FBXL17: variants seen among roughly 807,000 people sequenced by gnomAD.
The protein encoded by FBXL17 is F-box/LRR-repeat protein 17.
Under a neutral mutation model 66.2 loss-of-function variants are expected in FBXL17, and 22 were observed. The ratio of observed to expected loss-of-function variants is 0.33; its 90% confidence interval spans 0.24 to 0.47. FBXL17 has a LOEUF of 0.47. Among genes scored for constraint, FBXL17 ranks in the 20% least tolerant of loss-of-function variants. FBXL17 has a pLI of 1.00. For synonymous variants in FBXL17, 474 were observed against 400.5 expected, an observed-to-expected ratio of 1.18 and a Z score of -2.19; for missense variants, 878 against 948.2, an observed-to-expected ratio of 0.93 and a Z score of 0.97.
intron 5 of FBXL17, among the ~76,000 whole-genome samples, chr5:108,195,551 TG>T (rs1430257229): frequency 2.0e-5 from 3 of 152,190 alleles, no homozygotes; most frequent in African/African-American, 7.2e-5. Context: ...TTTTAGCTTT[TG>T]CTCTGAGAAA....
chr5:107,992,830 T>C (rs1753308097), intron 7 of FBXL17, among the ~76,000 whole-genome samples: 3 of 152,310 alleles, frequency 2.0e-5, no homozygotes, highest in Admixed American at 6.5e-5. Context: ...TAGCATGTCC[T>C]ATCATTTTGG....
intron 4 of FBXL17, among the ~76,000 whole-genome samples, chr5:108,345,133 G>T (rs750858562): frequency 6.6e-6 from 1 of 152,008 alleles, no homozygotes; most frequent in Non-Finnish European, 1.5e-5. Context: ...AGGAGTTCGA[G>T]ACCAGCCTGA....
intron 7 of FBXL17, among the ~76,000 whole-genome samples, chr5:108,010,146 G>C (rs1754120776): frequency 6.6e-6 from 1 of 152,180 alleles, no homozygotes; most frequent in African/African-American, 2.4e-5. Context: ...ATTTCTCACT[G>C]CAGGACAAAG....
intron 7 of FBXL17, among the ~76,000 whole-genome samples, chr5:107,896,612 T>A (rs1215475601): frequency 1.3e-5 from 2 of 152,164 alleles, no homozygotes; most frequent in Non-Finnish European, 2.9e-5. Context: ...AAACCAGGAA[T>A]AACATCATGG....
At chr5:108,206,759 T>C (rs925993736) in intron 5 of FBXL17, among the ~76,000 whole-genome samples, 1 of 152,218 alleles carries the variant, frequency 6.6e-6, no homozygotes, top group Non-Finnish European at 1.5e-5. Context: ...AGATTGTTTA[T>C]ACATACACCA....
rs184703369 is a variant in FBXL17 at position 108,047,660 on chromosome 5, C to T, written c.1746-26659G>A. Among the ~76,000 whole-genome samples the T allele has an allele frequency of 5.3e-5, 8 of 152,300 alleles. No homozygotes were observed. In the East Asian group the frequency reaches 1.5e-3, roughly 29 times the overall value. On this transcript the variant is annotated intron_variant, in intron 6 of 8. Coordinates refer to ENST00000542267, the MANE Select transcript of FBXL17 (RefSeq NM_001163315.3). Reference sequence around the variant, plus strand: ...AAGAGCTGTCCCCCATAGCTCAACACACCGGCTGTGGCATACTGCGGCCAG... The same window carrying T: ...AAGAGCTGTCCCCCATAGCTCAACATACCGGCTGTGGCATACTGCGGCCAG...
chr5:108,054,698 T>C (rs2112830603), intron 6 of FBXL17, among the ~76,000 whole-genome samples: 1 of 152,348 alleles, frequency 6.6e-6, no homozygotes, highest in African/African-American at 2.4e-5. Flanking sequence ...AAGGCTGTCC[T>C]TTCCTCATCC....
chr5:107,879,971 T>C, intron 8 of FBXL17: 3 of 865,406 alleles, frequency 3.5e-6, no homozygotes, highest in South Asian at 1.1e-4. Context: ...TTTTCTCCCC[T>C]TCACAATGCA....
intron 7 of FBXL17, among the ~76,000 whole-genome samples, chr5:107,898,714 T>C (rs1307077276): frequency 1.3e-5 from 2 of 152,088 alleles, no homozygotes; most frequent in African/African-American, 2.4e-5. Context: ...AGTGAGAACA[T>C]GTGGTGTTTG....
At chr5:108,133,355 C>G (rs1180709655) in intron 6 of FBXL17, among the ~76,000 whole-genome samples, 1 of 152,014 alleles carries the variant, frequency 6.6e-6, no homozygotes, top group African/African-American at 2.4e-5. Flanking sequence ...TATTAGTACA[C>G]TGTATTTAAA....
At chr5:108,298,944 T>C (rs1758461707) in intron 4 of FBXL17, 2 of 948,256 alleles carry the variant, frequency 2.1e-6, no homozygotes, top group Admixed American at 1.2e-4. Flanking sequence ...TATTATTTAC[T>C]TTCAGTTTCA....
chr5:108,249,752 G>A (rs901753770), intron 4 of FBXL17, among the ~76,000 whole-genome samples: 1 of 152,054 alleles, frequency 6.6e-6, no homozygotes, highest in Non-Finnish European at 1.5e-5. Context: ...AAATATAAGC[G>A]ACGTATATTT....
At chr5:108,299,054 C>A (rs1339311074) in intron 4 of FBXL17, 2 of 977,426 alleles carry the variant, frequency 2.0e-6, no homozygotes, top group Non-Finnish European at 2.4e-6. Flanking sequence ...GAGTACATAT[C>A]TGAACAAAAA....
intron 7 of FBXL17, among the ~76,000 whole-genome samples, chr5:107,929,880 T>C (rs1418741820): frequency 6.6e-6 from 1 of 152,198 alleles, no homozygotes; most frequent in Non-Finnish European, 1.5e-5. Flanking sequence ...TTATACTCTA[T>C]TTCCCTACAC....
chr5:108,372,013 G>C (rs1163178550), intron 1 of FBXL17, among the ~76,000 whole-genome samples: 3 of 152,038 alleles, frequency 2.0e-5, no homozygotes, highest in African/African-American at 7.2e-5. Flanking sequence ...TGTTCCCCAG[G>C]GGTTGCCTTG....
At chr5:108,313,565 A>G (rs1310494950) in intron 4 of FBXL17, among the ~76,000 whole-genome samples, 1 of 152,136 alleles carries the variant, frequency 6.6e-6, no homozygotes, top group Admixed American at 6.6e-5. Context: ...ACATTTCAGT[A>G]AGAGTTGGAT....
intron 4 of FBXL17, chr5:108,298,933 A>T: frequency 1.1e-6 from 1 of 948,264 alleles, no homozygotes. Flanking sequence ...GATTTAAATA[A>T]TATTATTTAC....
In FBXL17 at chr5:108,154,616, T is replaced by TATACACACAC. The variant is rs1554070064; in HGVS notation, c.1745+31500_1745+31501insGTGTGTGTAT. Among the ~76,000 whole-genome samples, 167 of 96,272 alleles carry TATACACACAC rather than the reference T, an allele frequency of 1.7e-3. 2 individuals carry two copies. The highest frequency in any genetic ancestry group is 2.6e-3 in the Non-Finnish European group (140 of 52,992). The allele number at this position is 96,272 out of a possible 152,430, so 63.2% of individuals were successfully genotyped here. ...AAAAAAAAAAAAAAAAATATATATATACACACACACACACACACACACACA... is the reference window on the plus strand; with the variant it reads ...AAAAAAAAAAAAAAAAATATATATATATACACACACACACACACACACACACACACACACA... On this transcript the variant is annotated intron_variant, in intron 6 of 8. Transcript: ENST00000542267.
At chr5:108,183,045 T>A (rs1044195288) in intron 6 of FBXL17, among the ~76,000 whole-genome samples, 1 of 147,312 alleles carries the variant, frequency 6.8e-6, no homozygotes, top group Non-Finnish European at 1.5e-5. Flanking sequence ...TTTTTTTTTT[T>A]TTTTTTTTTT....
Sources: allele counts gnomAD v4.1 joint callset (sites outside exome capture counted in the v4.1 genomes callset), GRCh38; gene constraint gnomAD v4.1.1; transcripts MANE v1.5; gene names NCBI Gene and HGNC (gene_info 2026-07-23, HGNC 2026-07-21).